P2RX7: variants seen among roughly 807,000 people sequenced by gnomAD.
The protein encoded by P2RX7 is purinergic receptor P2X 7.
In P2RX7, 62 loss-of-function variants were observed where a neutral mutation model predicts 71.6. That is an observed-to-expected ratio of 0.87 (90% CI 0.71 to 1.07). The LOEUF (loss-of-function observed/expected upper bound fraction) is 1.07. Ranked by LOEUF, P2RX7 falls within the 50% of genes least tolerant of loss-of-function variation. The pLI, the probability that P2RX7 is intolerant of heterozygous loss-of-function variation, is 0.00. For synonymous variants in P2RX7, 299 were observed against 283.3 expected (o/e 1.06, Z -0.56); for missense variants, 686 against 748.5 (o/e 0.92, Z 0.97).
chr12:121,184,208 T>C (rs1437933127), intron 12 of P2RX7, 97 bp from the exon 13 acceptor site: 1 of 1,384,446 alleles, frequency 7.2e-7, no homozygotes, highest in African/African-American at 1.5e-5. Flanking sequence ...CTATAAATCA[T>C]GTAATATTAA....
chr12:121,155,050 A>C, intron 2 of P2RX7, 97 bp downstream of exon 2: 2 of 1,544,428 alleles, frequency 1.3e-6, no homozygotes. Flanking sequence ...CTCCAGAAAA[A>C]ACGCTGGTCC....
intron 1 of P2RX7, among the ~76,000 whole-genome samples, chr12:121,142,050 G>C (rs1875001918): frequency 6.6e-6 from 1 of 152,116 alleles, no homozygotes; most frequent in Non-Finnish European, 1.5e-5. Flanking sequence ...CCATACAATA[G>C]GGGATCCCCT....
intron 11 of P2RX7, among the ~76,000 whole-genome samples, chr12:121,177,826 C>G (rs12366304): frequency 0.11 from 17,459 of 151,850 alleles, 1,270 homozygotes; most frequent in Non-Finnish European, 0.17. Context: ...TTAAGTGATT[C>G]TCCTGCCTCA....
rs150798584 is a variant in P2RX7, at chr12:121,178,540, C to T, written c.1188+1094C>T. ...GGCACAGTGGCTCACGCCTATAATC[C>T]CAACACTTTGGGAGGCCGAGGCAGG... is the stretch of plus-strand genomic sequence containing the variant. On this transcript the variant is annotated intron_variant, in intron 11 of 12. Transcript: ENST00000328963. 1.3e-4 allele frequency among the ~76,000 whole-genome samples: 20 copies of T among 152,236 alleles called. No individual in the cohort carries two copies. In the East Asian group the frequency reaches 3.7e-3, roughly 28 times the overall value.
chr12:121,175,632 G>A (rs11837130), intron 9 of P2RX7, among the ~76,000 whole-genome samples, 154 bp downstream of exon 9: 1,690 of 152,138 alleles, frequency 0.011, 35 homozygotes, highest in African/African-American at 0.039. Context: ...AGATGTTCTC[G>A]GGCTGCTGTC....
chr12:121,136,023 A>AAAAAATATATATAT lies in P2RX7; in HGVS notation c.125+2929_125+2930insAAAATATATATATA. 9.2e-4 allele frequency among the ~76,000 whole-genome samples: 14 copies of AAAAAATATATATAT among 15,258 alleles called. 2 individuals are homozygous for AAAAAATATATATAT. Among genetic ancestry groups the AAAAAATATATATAT allele is most frequent in the Non-Finnish European group, 1.8e-3 (10 of 5,452 alleles). 10.0% of individuals were successfully genotyped at this position (15,258 alleles called of 152,430 possible). A position where few individuals can be genotyped will look rare whatever the true frequency, so the allele number is the denominator to read the frequency against. On this transcript the variant is annotated intron_variant, in intron 1 of 12. Transcript: ENST00000328963. ...TGTCTCAAAAAAAAAAAAAAAAAAA[A>AAAAAATATATATAT]ATATATATATATATATATAGTATTT...
intron 6 of P2RX7, 73 bp from the exon 7 acceptor site, chr12:121,165,985 C>T (rs1880927033): frequency 3.3e-6 from 5 of 1,495,178 alleles, no homozygotes; most frequent in South Asian, 1.2e-5. Flanking sequence ...CACACTGGCT[C>T]ACTCCTGGGA....
At chr12:121,174,813 C>T (rs963090200) in intron 8 of P2RX7, among the ~76,000 whole-genome samples, 2 of 151,644 alleles carry the variant, frequency 1.3e-5, no homozygotes, top group African/African-American at 4.9e-5. Flanking sequence ...TAATCTTAAG[C>T]GACAAGCTGA....
rs756931719 is a variant in P2RX7 at position 121,177,287 on chromosome 12, T to G, written c.1039-10T>G. ...GTGACTAACGCAGCGCTTGTCTGCA[T>G]TCTCCCCAGGCCGCTGTGTTCATCG... On this transcript the variant is annotated splice_polypyrimidine_tract_variant and intron_variant, in intron 10 of 12. Transcript: ENST00000328963. 22 of 1,614,148 alleles carry G rather than the reference T, an allele frequency of 1.4e-5. No individual in the cohort carries two copies. The highest frequency in any genetic ancestry group is 1.9e-5 in the Non-Finnish European group (22 of 1,180,030).
At chr12:121,175,856 T>C (rs1196937644) in intron 9 of P2RX7, among the ~76,000 whole-genome samples, 1 of 151,658 alleles carries the variant, frequency 6.6e-6, no homozygotes, top group African/African-American at 2.4e-5. Flanking sequence ...AATCCAGGGG[T>C]TATTTTTAAG....
chr12:121,174,453 G>C (rs1433908767), intron 8 of P2RX7, among the ~76,000 whole-genome samples: 1 of 152,078 alleles, frequency 6.6e-6, no homozygotes, highest in Non-Finnish European at 1.5e-5. Flanking sequence ...CCCAGGAGGT[G>C]GAGGCTGCAG....
intron 7 of P2RX7, 35 bp downstream of exon 7, chr12:121,166,222 G>C: frequency 6.2e-7 from 1 of 1,601,976 alleles, no homozygotes; most frequent in South Asian, 1.1e-5. Flanking sequence ...ATGTGGGGCT[G>C]TGTGTCTAGG....
chr12:121,163,348 A>G (rs796989304), intron 5 of P2RX7, among the ~76,000 whole-genome samples: 2 of 127,968 alleles, frequency 1.6e-5, no homozygotes, highest in East Asian at 2.4e-4. Context: ...ACACACACAC[A>G]CACACACACG....
rs199721522 is a variant in P2RX7 at position 121,166,041 on chromosome 12, C to T, written c.615-17C>T. On this transcript the variant is annotated splice_polypyrimidine_tract_variant and intron_variant, in intron 6 of 12. Coordinates refer to ENST00000328963, the MANE Select transcript of P2RX7 (RefSeq NM_002562.6). Reference sequence around the variant, plus strand: ...ATCGAGATGTTTGTTTGTTTGTTTGCTTTTAATTATGCACAGGAGAAACAT... The same window carrying T: ...ATCGAGATGTTTGTTTGTTTGTTTGTTTTTAATTATGCACAGGAGAAACAT... 1.2e-6 allele frequency: 2 copies of T among 1,607,470 alleles called. No homozygotes were observed. The highest frequency in any genetic ancestry group is 1.7e-6 in the Non-Finnish European group (2 of 1,175,598).
intron 1 of P2RX7, among the ~76,000 whole-genome samples, chr12:121,137,102 G>A (rs190004504): frequency 6.6e-6 from 1 of 152,092 alleles, no homozygotes; most frequent in Non-Finnish European, 1.5e-5. Context: ...TGTTCCATGG[G>A]GACATGGAGA....
chr12:121,136,509 T>TG (rs1280342628), intron 1 of P2RX7, among the ~76,000 whole-genome samples: 1 of 151,680 alleles, frequency 6.6e-6, no homozygotes, highest in African/African-American at 2.4e-5. Flanking sequence ...TTTGTGGAGA[T>TG]GGGGGTCTCC....
At chr12:121,180,703 C>G (rs1481932414) in intron 12 of P2RX7, among the ~76,000 whole-genome samples, 1 of 152,056 alleles carries the variant, frequency 6.6e-6, no homozygotes, top group African/African-American at 2.4e-5. Context: ...TGGCTCACAC[C>G]TGCAATCCCA....
At chr12:121,139,673 A>G (rs1319036380) in intron 1 of P2RX7, among the ~76,000 whole-genome samples, 1 of 151,798 alleles carries the variant, frequency 6.6e-6, no homozygotes, top group African/African-American at 2.4e-5. Flanking sequence ...GGGAGGCCCC[A>G]GACGCCAGGA....
intron 9 of P2RX7, 85 bp downstream of exon 9, chr12:121,175,563 T>G (rs929452237): frequency 1.3e-6 from 1 of 741,618 alleles, no homozygotes; most frequent in Non-Finnish European, 2.5e-6. Flanking sequence ...GAGGGAAGGG[T>G]TTTGGTCTCA....
Sources: allele counts gnomAD v4.1 joint callset (sites outside exome capture counted in the v4.1 genomes callset), GRCh38; gene constraint gnomAD v4.1.1; transcripts MANE v1.5; gene names NCBI Gene and HGNC (gene_info 2026-07-23, HGNC 2026-07-21).